The following LDLRAD3 variants were observed in gnomAD, a reference collection of about 807,000 sequenced individuals.
LDLRAD3 encodes the protein low density lipoprotein receptor class A domain containing 3, also known as low-density lipoprotein receptor class A domain-containing protein 3.
A neutral mutation model predicts 29.4 loss-of-function variants in LDLRAD3; 20 were observed. The ratio of observed to expected loss-of-function variants is 0.68; its 90% confidence interval spans 0.48 to 0.99. LDLRAD3 has a LOEUF of 0.99. Ranked by LOEUF, LDLRAD3 falls within the 50% of genes least tolerant of loss-of-function variation. The pLI, the probability that LDLRAD3 is intolerant of heterozygous loss-of-function variation, is 0.00. For synonymous variants in LDLRAD3, 157 were observed against 192.7 expected (o/e 0.81, Z 1.53); for missense variants, 420 against 454.3 (o/e 0.92, Z 0.69).
At chr11:36,056,155 C>A (rs1446371534) in intron 2 of LDLRAD3, among the ~76,000 whole-genome samples, 1 of 151,818 alleles carries the variant, frequency 6.6e-6, no homozygotes, top group East Asian at 1.9e-4. Flanking sequence ...GCCACTACGC[C>A]CGGCTAATTT....
chr11:35,991,693 C>T (rs557918876), intron 1 of LDLRAD3, among the ~76,000 whole-genome samples: 4 of 152,294 alleles, frequency 2.6e-5, no homozygotes, highest in African/African-American at 9.6e-5. Context: ...CTGCAGAGCT[C>T]TCCCTCGTAA....
chr11:36,115,668 C>G (rs1183662350), intron 4 of LDLRAD3, among the ~76,000 whole-genome samples: 1 of 152,134 alleles, frequency 6.6e-6, no homozygotes. Flanking sequence ...ACGCCCCAGT[C>G]CCTCCTCACC....
At chr11:36,127,665 T>G (rs1025805746) in intron 4 of LDLRAD3, among the ~76,000 whole-genome samples, 9 of 152,216 alleles carry the variant, frequency 5.9e-5, no homozygotes, top group African/African-American at 2.2e-4. Context: ...CTGAGTAGAC[T>G]TCTTACCATG....
At chr11:36,161,582 A>ATGGT (rs1260322131) in intron 4 of LDLRAD3, among the ~76,000 whole-genome samples, 3 of 76,964 alleles carry the variant, frequency 3.9e-5, no homozygotes, top group Admixed American at 1.6e-4. Flanking sequence ...TTTGGGATGG[A>ATGGT]TGGATGGATG....
chr11:36,125,731 C>T (rs746142465), intron 4 of LDLRAD3, among the ~76,000 whole-genome samples: 1 of 152,148 alleles, frequency 6.6e-6, no homozygotes, highest in Non-Finnish European at 1.5e-5. Flanking sequence ...TTTGGGAGAC[C>T]ACTTTTTGTG....
At chr11:36,083,304 T>C (rs1053812410) in intron 3 of LDLRAD3, among the ~76,000 whole-genome samples, 1 of 152,228 alleles carries the variant, frequency 6.6e-6, no homozygotes, top group Non-Finnish European at 1.5e-5. Context: ...ACATTTTCTG[T>C]GCTTGTCCTA....
chr11:36,015,592 G>A (rs1287579962), intron 1 of LDLRAD3, among the ~76,000 whole-genome samples: 1 of 151,912 alleles, frequency 6.6e-6, no homozygotes, highest in Non-Finnish European at 1.5e-5. Context: ...GGGGAACCAG[G>A]GCTTAGCTCA....
intron 1 of LDLRAD3, among the ~76,000 whole-genome samples, chr11:35,983,962 T>G (rs1479175360): frequency 6.6e-6 from 1 of 152,206 alleles, no homozygotes; most frequent in East Asian, 1.9e-4. Flanking sequence ...CTGGATTATC[T>G]AAAGCCAATG....
rs371988878 is a variant in LDLRAD3, at chr11:36,112,444, G to A, written c.454+13983G>A. Among the ~76,000 whole-genome samples, 6 of 152,294 alleles carry A rather than the reference G, an allele frequency of 3.9e-5. No individual in the cohort carries two copies. The South Asian group carries it at 6.2e-4, about 16-fold the overall frequency. ...TCCCCATATATCCAGAGTGCCAGGG[G>A]ACTTAATGTATGTTAAATTAGTTGC... On this transcript the variant is annotated intron_variant, in intron 4 of 5. Transcript: ENST00000315571.
intron 1 of LDLRAD3, among the ~76,000 whole-genome samples, chr11:35,994,898 C>T (rs1483407061): frequency 6.6e-6 from 1 of 152,188 alleles, no homozygotes; most frequent in Non-Finnish European, 1.5e-5. Flanking sequence ...CCTGAGATTG[C>T]ATCAATTCAG....
intron 4 of LDLRAD3, among the ~76,000 whole-genome samples, chr11:36,215,077 TAG>T (rs1352754483): frequency 6.7e-6 from 1 of 150,098 alleles, no homozygotes; most frequent in Admixed American, 6.6e-5. Context: ...CAGAAAGGAG[TAG>T]AGTCTTGAAT....
At chr11:36,113,348 C>T (rs866539868) in intron 4 of LDLRAD3, among the ~76,000 whole-genome samples, 5 of 152,128 alleles carry the variant, frequency 3.3e-5, no homozygotes, top group South Asian at 4.2e-4. Context: ...GGGAGCTCTC[C>T]GCTCCTCAGG....
chr11:35,997,994 C>T (rs149687958), intron 1 of LDLRAD3, among the ~76,000 whole-genome samples: 110 of 152,282 alleles, frequency 7.2e-4, no homozygotes, highest in Middle Eastern at 3.4e-3. Context: ...TCAGATTGGA[C>T]GGTCTTCTCT....
chr11:36,032,195 C>T (rs961327969), intron 1 of LDLRAD3, among the ~76,000 whole-genome samples: 4 of 152,152 alleles, frequency 2.6e-5, no homozygotes, highest in African/African-American at 7.2e-5. Context: ...GGGTTTAGGA[C>T]TTCAACATGT....
Position 36,136,816 on chromosome 11 carries a change from G to T in LDLRAD3, c.454+38355G>T, listed in dbSNP as rs549005918. Among the ~76,000 whole-genome samples, 9 of 151,908 alleles carry T rather than the reference G, an allele frequency of 5.9e-5. No homozygotes were observed. In the South Asian group the frequency reaches 6.2e-4, roughly 11 times the overall value. On this transcript the variant is annotated intron_variant, in intron 4 of 5. Coordinates refer to ENST00000315571, the MANE Select transcript of LDLRAD3 (RefSeq NM_174902.4). ...AGCAATTCTTGTGCCTCAGCCTCCTGAGTAGCTGGGATTACAGGTGTGTGC... is the reference window on the plus strand; with the variant it reads ...AGCAATTCTTGTGCCTCAGCCTCCTTAGTAGCTGGGATTACAGGTGTGTGC...
chr11:36,042,959 T>G (rs1442831334), intron 2 of LDLRAD3, among the ~76,000 whole-genome samples: 1 of 152,150 alleles, frequency 6.6e-6, no homozygotes, highest in Non-Finnish European at 1.5e-5. Flanking sequence ...TGGTACTTGG[T>G]TATGGCAGCC....
chr11:35,959,279 C>CT (rs1851246172), intron 1 of LDLRAD3, among the ~76,000 whole-genome samples: 1 of 152,174 alleles, frequency 6.6e-6, no homozygotes, highest in Non-Finnish European at 1.5e-5. Context: ...TGAAACCTGG[C>CT]TAGTGAATCT....
At chr11:36,129,883 A>G (rs987135862) in intron 4 of LDLRAD3, among the ~76,000 whole-genome samples, 1 of 152,158 alleles carries the variant, frequency 6.6e-6, no homozygotes, top group Non-Finnish European at 1.5e-5. Flanking sequence ...TGTAGTATTT[A>G]TCACCACTGG....
intron 4 of LDLRAD3, among the ~76,000 whole-genome samples, chr11:36,178,913 T>G (rs1012971350): frequency 6.6e-6 from 1 of 152,194 alleles, no homozygotes; most frequent in Non-Finnish European, 1.5e-5. Context: ...CCAATTTGAT[T>G]GTAAGTGTCT....
Sources: allele counts gnomAD v4.1 joint callset (sites outside exome capture counted in the v4.1 genomes callset), GRCh38; gene constraint gnomAD v4.1.1; transcripts MANE v1.5; gene names NCBI Gene and HGNC (gene_info 2026-07-23, HGNC 2026-07-21).